The following LRRIQ3 variants were observed in gnomAD, a reference collection of about 807,000 sequenced individuals.
LRRIQ3 encodes leucine-rich repeat and IQ domain-containing protein 3.
LRRIQ3 carries 75 observed loss-of-function variants against 59.3 expected under a neutral mutation model. That is an observed-to-expected ratio of 1.26 (90% CI 1.05 to 1.53). LRRIQ3 has a LOEUF of 1.53. LRRIQ3 is among the 40% of genes most tolerant of loss of function. The pLI is 0.00. For missense variants in LRRIQ3, 831 were observed against 710.0 expected (o/e 1.17, Z -1.94); for synonymous variants, 250 against 231.3 (o/e 1.08, Z -0.73).
At chr1:74,182,972 T>C (rs1418686069) in intron 2 of LRRIQ3, 111 bp from the exon 3 acceptor site, 4 of 582,558 alleles carry the variant, frequency 6.9e-6, no homozygotes, top group African/African-American at 1.9e-5. Context: ...ATAGCAAGTT[T>C]CTAATTAATA....
chr1:74,163,721 C>T (rs1426907081), intron 3 of LRRIQ3, among the ~76,000 whole-genome samples: 1 of 151,586 alleles, frequency 6.6e-6, no homozygotes, highest in East Asian at 1.9e-4. Flanking sequence ...TTTAAACACT[C>T]ATGTACAAGC....
intron 5 of LRRIQ3, among the ~76,000 whole-genome samples, chr1:74,108,037 T>C (rs1454873695): frequency 6.6e-6 from 1 of 151,758 alleles, no homozygotes; most frequent in Admixed American, 6.6e-5. Context: ...TACTAAAAAA[T>C]CTTTGGAAAA....
chr1:74,088,684 G>T lies in LRRIQ3; in HGVS notation c.868-13894C>A, dbSNP rs559248510. ...AAAATTAGCTCATGATAGATTATAG[G>T]TCTAAATATAAGAGCTAATACTATA... On this transcript the variant is annotated intron_variant, in intron 5 of 7. Coordinates refer to ENST00000354431, the MANE Select transcript of LRRIQ3 (RefSeq NM_001105659.2). Among the ~76,000 whole-genome samples, 12 of 151,812 alleles carry T rather than the reference G, an allele frequency of 7.9e-5. No individual in the cohort carries two copies. In the South Asian group the frequency reaches 1.9e-3, roughly 24 times the overall value.
At chr1:74,187,185 C>T (rs1650451349) in intron 1 of LRRIQ3, among the ~76,000 whole-genome samples, 1 of 151,898 alleles carries the variant, frequency 6.6e-6, no homozygotes, top group Non-Finnish European at 1.5e-5. Context: ...GGGTATCTAT[C>T]CAAAGGAAAA....
intron 7 of LRRIQ3, among the ~76,000 whole-genome samples, chr1:74,038,609 C>T (rs780655741): frequency 6.6e-6 from 1 of 152,196 alleles, no homozygotes; most frequent in Non-Finnish European, 1.5e-5. Context: ...AAAGAAGAAG[C>T]AGGCACTCAT....
At chr1:74,108,244 T>C (rs893789615) in intron 5 of LRRIQ3, among the ~76,000 whole-genome samples, 1 of 151,826 alleles carries the variant, frequency 6.6e-6, no homozygotes, top group Non-Finnish European at 1.5e-5. Context: ...GTATAAAGTA[T>C]GTAAAAAAGC....
intron 1 of LRRIQ3, among the ~76,000 whole-genome samples, chr1:74,184,372 T>C (rs1380788659): frequency 6.6e-6 from 1 of 152,114 alleles, no homozygotes; most frequent in Admixed American, 6.5e-5. Flanking sequence ...TTTTCACTTA[T>C]TAAGAGTAAT....
intron 3 of LRRIQ3, among the ~76,000 whole-genome samples, chr1:74,170,238 G>C (rs1234855875): frequency 6.6e-6 from 1 of 152,040 alleles, no homozygotes; most frequent in Non-Finnish European, 1.5e-5. Flanking sequence ...TGGGATATTG[G>C]AGAAACCATT....
intron 6 of LRRIQ3, among the ~76,000 whole-genome samples, chr1:74,061,019 T>A (rs1557598129): frequency 6.6e-6 from 1 of 152,134 alleles, no homozygotes; most frequent in African/African-American, 2.4e-5. Context: ...ACACTTGAGC[T>A]GGCAGGGAAA....
intron 6 of LRRIQ3, among the ~76,000 whole-genome samples, chr1:74,060,438 A>G (rs1489224751): frequency 1.3e-5 from 2 of 150,770 alleles, no homozygotes; most frequent in Non-Finnish European, 2.9e-5. Flanking sequence ...AAGTTAGGTT[A>G]TATATTTGAA....
At chr1:74,145,044 T>C (rs992734273) in intron 4 of LRRIQ3, among the ~76,000 whole-genome samples, 2 of 152,148 alleles carry the variant, frequency 1.3e-5, no homozygotes, top group South Asian at 4.1e-4. Context: ...AATAGATTAA[T>C]GTACATTTAG....
intron 6 of LRRIQ3, among the ~76,000 whole-genome samples, chr1:74,068,170 C>A (rs1654920334): frequency 6.6e-6 from 1 of 151,910 alleles, no homozygotes; most frequent in South Asian, 2.1e-4. Flanking sequence ...AAGATAAGGC[C>A]ATATTTTAGG....
At chr1:74,158,614 CATTT>C (rs1648484822) in intron 3 of LRRIQ3, among the ~76,000 whole-genome samples, 3 of 152,026 alleles carry the variant, frequency 2.0e-5, no homozygotes, top group Admixed American at 2.0e-4. Flanking sequence ...TGAAATAATT[CATTT>C]GTCACTCTCG....
chr1:74,149,052 AG>A (rs1393671231), intron 4 of LRRIQ3, among the ~76,000 whole-genome samples: 15 of 152,164 alleles, frequency 9.9e-5, no homozygotes, highest in Non-Finnish European at 1.6e-4. Flanking sequence ...TATGGTTATA[AG>A]GTATTATTTT....
At chr1:74,127,477 G>A (rs1188295771) in intron 4 of LRRIQ3, among the ~76,000 whole-genome samples, 1 of 151,556 alleles carries the variant, frequency 6.6e-6, no homozygotes, top group Admixed American at 6.6e-5. Flanking sequence ...TTTTGTGTGT[G>A]TATCTGCTGT....
intron 4 of LRRIQ3, among the ~76,000 whole-genome samples, chr1:74,118,495 G>C (rs1646808628): frequency 6.6e-6 from 1 of 151,826 alleles, no homozygotes; most frequent in African/African-American, 2.4e-5. Context: ...CAAGAGTTTT[G>C]CCACCAGAAA....
At position 74,109,490 on chromosome 1, in the gene LRRIQ3, C is replaced by T; in HGVS notation, c.771G>A (p.Trp257Ter). Residue 257 changes from tryptophan (W) to a stop codon, truncating the protein, a stop_gained, in exon 5 of 8, where the codon TGG becomes TGA. Transcript: ENST00000354431. LOFTEE classifies it high-confidence loss of function. ...EKIIRGYEAK[W>*]IYITKGYEDK... ...CTTCATACCCTTTGGTTATGTAAAT[C>T]CATTTTGCTTCATATCCTCTAATAA... is the stretch of plus-strand genomic sequence containing the variant. 1.3e-6 allele frequency: 2 copies of T among 1,570,604 alleles called. No homozygotes were observed. Among genetic ancestry groups the T allele is most frequent in the Non-Finnish European group, 1.7e-6 (2 of 1,162,184 alleles).
chr1:74,051,875 G>C (rs1654381095), intron 6 of LRRIQ3, among the ~76,000 whole-genome samples: 1 of 152,044 alleles, frequency 6.6e-6, no homozygotes, highest in Admixed American at 6.6e-5. Flanking sequence ...AGTTCTACCT[G>C]TCTGGTAATT....
chr1:74,147,125 G>A (rs1046115372), intron 4 of LRRIQ3, among the ~76,000 whole-genome samples: 1 of 152,116 alleles, frequency 6.6e-6, no homozygotes, highest in African/African-American at 2.4e-5. Flanking sequence ...CCACTCAGGA[G>A]GCTGAGGTAG....
Sources: gnomAD v4.1 joint callset for allele counts (sites outside exome capture counted in the v4.1 genomes callset) on GRCh38, gnomAD v4.1.1 for gene constraint, MANE v1.5 for transcripts, NCBI Gene and HGNC (gene_info 2026-07-23, HGNC 2026-07-21) for gene names.